WWOX: variants seen among roughly 807,000 people sequenced by gnomAD.
WWOX encodes WW domain containing oxidoreductase.
WWOX carries 69 observed loss-of-function variants against 46.2 expected under a neutral mutation model. The observed-to-expected ratio is 1.49, with a 90% CI of 1.23 to 1.82. The LOEUF is 1.82. Among genes scored for constraint, WWOX ranks in the 40% most tolerant of loss-of-function variants. The pLI is 0.00. For synonymous variants in WWOX, 359 were observed against 202.6 expected, an observed-to-expected ratio of 1.77 and a Z score of -6.56; for missense variants, 919 against 542.6, an observed-to-expected ratio of 1.69 and a Z score of -6.89.
chr16:78,369,173 T>C (rs1467784604), intron 5 of WWOX, among the ~76,000 whole-genome samples: 3 of 152,180 alleles, frequency 2.0e-5, no homozygotes, highest in Non-Finnish European at 4.4e-5. Context: ...AGCTAATGTA[T>C]GCTCAGGGCT....
intron 8 of WWOX, among the ~76,000 whole-genome samples, chr16:78,678,574 A>C (rs943188465): frequency 3.9e-5 from 6 of 152,186 alleles, no homozygotes; most frequent in African/African-American, 1.4e-4. Context: ...CCAAGATGTG[A>C]TAATTGTATA....
At position 78,573,633 on chromosome 16, in the gene WWOX, T is replaced by A. The variant is rs573528983; in HGVS notation, c.1056+140881T>A. On this transcript the variant is annotated intron_variant, in intron 8 of 8. Coordinates refer to ENST00000566780, the MANE Select transcript of WWOX (RefSeq NM_016373.4). Reference sequence around the variant, plus strand: ...TGTACTCTCTGTCTCACTAATTTGTTCATTATTTTAATGCATTTTCTTGAA... The same window carrying A: ...TGTACTCTCTGTCTCACTAATTTGTACATTATTTTAATGCATTTTCTTGAA... Among the ~76,000 whole-genome samples, 161 of 152,316 alleles carry A rather than the reference T, an allele frequency of 1.1e-3. 1 individual carries two copies. Among genetic ancestry groups the A allele is most frequent in the Non-Finnish European group, 1.8e-3 (123 of 68,028 alleles).
At chr16:78,868,260 T>C (rs915171098) in intron 8 of WWOX, among the ~76,000 whole-genome samples, 11 of 152,142 alleles carry the variant, frequency 7.2e-5, no homozygotes, top group Non-Finnish European at 1.5e-4. Flanking sequence ...TTACGCTAAG[T>C]GAAGGAAGCC....
intron 8 of WWOX, among the ~76,000 whole-genome samples, chr16:78,628,518 A>T (rs762668517): frequency 7.9e-5 from 12 of 152,182 alleles, no homozygotes; most frequent in Non-Finnish European, 1.6e-4. Context: ...CAGCTCCTTA[A>T]GGATAAGAAC....
chr16:78,821,789 C>G (rs182455656), intron 8 of WWOX, among the ~76,000 whole-genome samples: 11 of 152,192 alleles, frequency 7.2e-5, no homozygotes, highest in Non-Finnish European at 1.2e-4. Context: ...TAGTGTCAGA[C>G]ACAAAATAGT....
intron 5 of WWOX, among the ~76,000 whole-genome samples, chr16:78,280,207 T>G (rs1218025198): frequency 1.3e-5 from 2 of 152,246 alleles, no homozygotes; most frequent in Non-Finnish European, 2.9e-5. Flanking sequence ...TCCCCCACTT[T>G]TAACCTACTT....
chr16:78,128,211 A>G (rs1335782747), intron 4 of WWOX, among the ~76,000 whole-genome samples: 1 of 151,958 alleles, frequency 6.6e-6, no homozygotes, highest in Non-Finnish European at 1.5e-5. Flanking sequence ...TGTTGTTAGG[A>G]TATGGGGAGA....
intron 5 of WWOX, among the ~76,000 whole-genome samples, chr16:78,222,074 C>G (rs1395917414): frequency 6.6e-6 from 1 of 152,116 alleles, no homozygotes; most frequent in Admixed American, 6.5e-5. Flanking sequence ...CCTCAGATGC[C>G]CCTCCATTTG....
At chr16:78,403,902 G>A (rs1024891154) in intron 6 of WWOX, among the ~76,000 whole-genome samples, 2 of 152,140 alleles carry the variant, frequency 1.3e-5, no homozygotes, top group African/African-American at 2.4e-5. Context: ...CTGCAGGTCA[G>A]CCTAATTGCA....
intron 8 of WWOX, among the ~76,000 whole-genome samples, chr16:78,641,971 A>G (rs2046726230): frequency 6.6e-6 from 1 of 152,180 alleles, no homozygotes; most frequent in South Asian, 2.1e-4. Context: ...CCTTTTATCA[A>G]GAGCCGTAAG....
intron 5 of WWOX, among the ~76,000 whole-genome samples, chr16:78,386,566 C>T (rs896411591): frequency 5.9e-5 from 9 of 152,218 alleles, no homozygotes; most frequent in Non-Finnish European, 1.2e-4. Context: ...GAGGAGATAA[C>T]GTTAGCCCGA....
intron 8 of WWOX, among the ~76,000 whole-genome samples, chr16:78,999,205 T>A (rs2047047441): frequency 6.6e-6 from 1 of 151,402 alleles, no homozygotes; most frequent in Non-Finnish European, 1.5e-5. Context: ...GGGCAGCGGG[T>A]CATACCTGTA....
intron 8 of WWOX, among the ~76,000 whole-genome samples, chr16:79,094,640 C>G (rs911466900): frequency 6.7e-6 from 1 of 148,486 alleles, no homozygotes; most frequent in African/African-American, 2.5e-5. Flanking sequence ...TCTGTTTTTT[C>G]TTTTTTTTTT....
At chr16:78,429,450 T>A (rs985190257) in intron 7 of WWOX, among the ~76,000 whole-genome samples, 1 of 152,170 alleles carries the variant, frequency 6.6e-6, no homozygotes, top group Non-Finnish European at 1.5e-5. Flanking sequence ...GAGTTCATTA[T>A]GGAGAGCTTC....
chr16:78,855,979 C>G (rs1444431143), intron 8 of WWOX, among the ~76,000 whole-genome samples: 2 of 152,168 alleles, frequency 1.3e-5, no homozygotes, highest in African/African-American at 4.8e-5. Context: ...GGTGCACGCA[C>G]AAGGTACCCA....
At chr16:78,403,708 G>A (rs1009422278) in intron 6 of WWOX, among the ~76,000 whole-genome samples, 11 of 152,210 alleles carry the variant, frequency 7.2e-5, no homozygotes, top group Non-Finnish European at 1.0e-4. Context: ...GGGCTCCCCA[G>A]ATTGTCCCAC....
chr16:78,947,141 C>T (rs905652102), intron 8 of WWOX, among the ~76,000 whole-genome samples: 2 of 150,482 alleles, frequency 1.3e-5, no homozygotes, highest in African/African-American at 2.4e-5. Context: ...GCACATTAGT[C>T]TTCCATTAAA....
chr16:78,525,958 T>C (rs1194037903), intron 8 of WWOX: 1 of 152,162 alleles, frequency 6.6e-6, no homozygotes, highest in East Asian at 1.9e-4. Flanking sequence ...GATTGGAACA[T>C]TGTATTTTAT....
intron 8 of WWOX, among the ~76,000 whole-genome samples, chr16:79,134,910 A>G (rs1170546669): frequency 6.6e-6 from 1 of 152,214 alleles, no homozygotes; most frequent in Non-Finnish European, 1.5e-5. Flanking sequence ...AGCAAAGTGG[A>G]GTGAATGCCA....
Sources: allele counts gnomAD v4.1 joint callset (sites outside exome capture counted in the v4.1 genomes callset), GRCh38; gene constraint gnomAD v4.1.1; transcripts MANE v1.5; gene names NCBI Gene and HGNC (gene_info 2026-07-23, HGNC 2026-07-21).